SEPTIN6: variants seen among roughly 807,000 people sequenced by gnomAD.
SEPTIN6 encodes the protein septin-6.
Under a neutral mutation model 33.6 loss-of-function variants are expected in SEPTIN6, and 8 were observed. The observed-to-expected ratio is 0.24, with a 90% CI of 0.14 to 0.43. SEPTIN6 has a LOEUF of 0.43. SEPTIN6 is among the 20% of genes least tolerant of loss of function. The pLI, the probability that SEPTIN6 is intolerant of heterozygous loss-of-function variation, is 1.00. For synonymous variants in SEPTIN6, 131 were observed against 140.0 expected, an observed-to-expected ratio of 0.94 and a Z score of 0.45; for missense variants, 250 against 340.8, an observed-to-expected ratio of 0.73 and a Z score of 2.10.
At position 119,618,765 on chromosome X, in the gene SEPTIN6, T is replaced by C; in HGVS notation, c.*1328A>G. ...AGTCCAGCTGTAGCGGGGAATACTA[T>C]TCAGTACACAGCCATGGATTACTGC... On this transcript the variant is annotated 3_prime_UTR_variant, in exon 11 of 11. Transcript: ENST00000394610. 1 of 1,210,111 alleles carries C rather than the reference T, an allele frequency of 8.3e-7. No individual in the cohort carries two copies. The highest frequency in any genetic ancestry group is 1.8e-5 in the South Asian group (1 of 56,694).
chrX:119,687,041 G>A (rs1280203896), intron 1 of SEPTIN6, among the ~76,000 whole-genome samples: 2 of 110,875 alleles, frequency 1.8e-5, no homozygotes, highest in African/African-American at 3.3e-5. Context: ...CCACTGACCA[G>A]CAATAGCACT....
rs1247404785 is a variant in SEPTIN6 at position 119,627,361 on chromosome X, G to A, written c.1280+1957C>T. Among the ~76,000 whole-genome samples, 3 of 110,690 alleles carry A rather than the reference G, an allele frequency of 2.7e-5. No homozygotes were observed. The East Asian group carries it at 8.6e-4, about 32-fold the overall frequency. On this transcript the variant is annotated intron_variant, in intron 9 of 10. Transcript: ENST00000394610. ...TTTCTCCAGTTCTGGGATGAGGAAT[G>A]GGTAACTTCAGCAAGCAGAGACTGG...
At chrX:119,623,858 C>A (rs1345616190) in intron 10 of SEPTIN6, among the ~76,000 whole-genome samples, 14 of 110,774 alleles carry the variant, frequency 1.3e-4, no homozygotes, top group Non-Finnish European at 2.5e-4. Flanking sequence ...AACAAACAAA[C>A]AAAAAAAACC....
chrX:119,683,266 AAAC>A (rs772780704), intron 1 of SEPTIN6, among the ~76,000 whole-genome samples: 3 of 111,954 alleles, frequency 2.7e-5, no homozygotes, highest in East Asian at 2.8e-4. Context: ...ACAAACAAAC[AAAC>A]AACAACAACA....
At chrX:119,685,475 A>G (rs909603429) in intron 1 of SEPTIN6, among the ~76,000 whole-genome samples, 25 of 111,629 alleles carry the variant, frequency 2.2e-4, no homozygotes, top group African/African-American at 8.2e-4. Context: ...AGGAAACATA[A>G]GCACCATACA....
intron 7 of SEPTIN6, among the ~76,000 whole-genome samples, chrX:119,636,460 G>A (rs896773188): frequency 2.7e-5 from 3 of 111,885 alleles, no homozygotes; most frequent in Non-Finnish European, 5.6e-5. Flanking sequence ...AACATCCTGC[G>A]GTCAAAACAG....
chrX:119,671,823 T>C (rs936666211), intron 2 of SEPTIN6, among the ~76,000 whole-genome samples: 1 of 112,039 alleles, frequency 8.9e-6, no homozygotes, highest in Non-Finnish European at 1.9e-5. Context: ...AAACAGCATC[T>C]TGTTATAACA....
In SEPTIN6 at chrX:119,618,165, A is replaced by ATTTT. The variant is rs57766875; in HGVS notation, c.*1924_*1927dup. On this transcript the variant is annotated 3_prime_UTR_variant, in exon 11 of 11. Transcript: ENST00000394610. Reference sequence around the variant, plus strand: ...AGCTACTGGCTGAGTATCTGAGCAGATTTTTTTTTTTTTTTTTTTGGTCGT... The same window carrying ATTTT: ...AGCTACTGGCTGAGTATCTGAGCAGATTTTTTTTTTTTTTTTTTTTTTTGGTCGT... 1.9e-4 allele frequency: 127 copies of ATTTT among 684,888 alleles called. No individual in the cohort carries two copies. The highest frequency in any genetic ancestry group is 7.1e-4 in the East Asian group (7 of 9,854). 56.4% of individuals were successfully genotyped at this position (684,888 alleles called of 1,213,427 possible). A position where few individuals can be genotyped will look rare whatever the true frequency, so the allele number is the denominator to read the frequency against.
At chrX:119,682,294 G>T (rs762224110) in intron 1 of SEPTIN6, among the ~76,000 whole-genome samples, 1 of 111,496 alleles carries the variant, frequency 9.0e-6, no homozygotes. Flanking sequence ...GAATGTATTC[G>T]CATGTTACCC....
chrX:119,648,905 G>T (rs757173768), intron 5 of SEPTIN6, among the ~76,000 whole-genome samples: 5 of 111,558 alleles, frequency 4.5e-5, no homozygotes. Context: ...CTTTCTGAAA[G>T]CTATTAGCTG....
chrX:119,672,200 G>A (rs762340585), intron 2 of SEPTIN6, among the ~76,000 whole-genome samples: 1 of 111,637 alleles, frequency 9.0e-6, no homozygotes, highest in Admixed American at 9.6e-5. Flanking sequence ...CCTGAAACTT[G>A]ACAAGTGGGG....
chrX:119,650,182 A>G, intron 4 of SEPTIN6, 84 bp from the exon 5 acceptor site: 6 of 991,066 alleles, frequency 6.1e-6, no homozygotes, highest in Non-Finnish European at 8.5e-6. Context: ...ACCAGCTGCC[A>G]GAGGGAGCCG....
At chrX:119,651,753 T>C (rs1352224505) in intron 4 of SEPTIN6, among the ~76,000 whole-genome samples, 2 of 112,731 alleles carry the variant, frequency 1.8e-5, no homozygotes, top group Non-Finnish European at 3.7e-5. Context: ...CCTGCAGCCA[T>C]GTGGCTCACC....
chrX:119,649,537 T>C (rs1355814498), intron 5 of SEPTIN6, among the ~76,000 whole-genome samples: 2 of 101,778 alleles, frequency 2.0e-5, no homozygotes, highest in African/African-American at 3.6e-5. Flanking sequence ...TACACTAAGA[T>C]GGATGGTGAA....
intron 5 of SEPTIN6, among the ~76,000 whole-genome samples, chrX:119,641,435 TAGG>T (rs2054158259): frequency 8.9e-6 from 1 of 112,279 alleles, no homozygotes; most frequent in African/African-American, 3.2e-5. Flanking sequence ...CCTCGCCCTC[TAGG>T]AGCTTACAGT....
intron 1 of SEPTIN6, among the ~76,000 whole-genome samples, chrX:119,690,961 G>A (rs759062048): frequency 9.1e-6 from 1 of 110,192 alleles, no homozygotes; most frequent in African/African-American, 3.3e-5. Flanking sequence ...CTGGGGGAGG[G>A]GGGCATGGAG....
chrX:119,669,985 G>A (rs181608969), intron 2 of SEPTIN6, among the ~76,000 whole-genome samples: 5 of 111,707 alleles, frequency 4.5e-5, no homozygotes, highest in Non-Finnish European at 9.4e-5. Flanking sequence ...GACTGCTACT[G>A]TAGCATTTAG....
In SEPTIN6 at chrX:119,619,586, G is replaced by C; in HGVS notation, c.*507C>G. ...CCTCTAAGAAATGGCTGTGGCTCCT[G>C]AGGATGAGGGTGGGGTGGACCAGGG... On this transcript the variant is annotated 3_prime_UTR_variant, in exon 11 of 11. Coordinates refer to ENST00000394610, the MANE Select transcript of SEPTIN6 (RefSeq NM_145799.4). The C allele has an allele frequency of 1.2e-6, 1 of 823,090 alleles. No individual in the cohort carries two copies. Among genetic ancestry groups the C allele is most frequent in the Non-Finnish European group, 1.5e-6 (1 of 682,284 alleles). 67.8% of individuals were successfully genotyped at this position (823,090 alleles called of 1,213,427 possible). A position where few individuals can be genotyped will look rare whatever the true frequency, so the allele number is the denominator to read the frequency against.
chrX:119,683,876 G>A (rs1218527072), intron 1 of SEPTIN6, among the ~76,000 whole-genome samples: 1 of 109,172 alleles, frequency 9.2e-6, no homozygotes, highest in Admixed American at 9.8e-5. Context: ...CAGTTTTATT[G>A]TATATAAAAC....
Sources: gnomAD v4.1 joint callset for allele counts (sites outside exome capture counted in the v4.1 genomes callset) on GRCh38, gnomAD v4.1.1 for gene constraint, MANE v1.5 for transcripts, NCBI Gene and HGNC (gene_info 2026-07-23, HGNC 2026-07-21) for gene names.